The following VPS16 variants were observed in gnomAD, a reference collection of about 807,000 sequenced individuals.
The protein encoded by VPS16 is vacuolar protein sorting-associated protein 16 homolog.
VPS16 carries 82 observed loss-of-function variants against 116.0 expected under a neutral mutation model. That is an observed-to-expected ratio of 0.71 (90% CI 0.59 to 0.85). VPS16 has a LOEUF of 0.85. VPS16 is among the 40% of genes least tolerant of loss of function. The probability of loss-of-function intolerance (pLI) is 0.00; values close to 1 mark genes in which losing one functional copy is unlikely to be tolerated. For synonymous variants in VPS16, 406 were observed against 420.7 expected (o/e 0.96, Z 0.43); for missense variants, 928 against 1,090.6 (o/e 0.85, Z 2.10).
rs2089275655 is a variant in VPS16, at chr20:2,863,808, GAGAA to G, written c.1477-136_1477-133del. On this transcript the variant is annotated intron_variant, in intron 15 of 23. Coordinates refer to ENST00000380445, the MANE Select transcript of VPS16 (RefSeq NM_022575.4). This position sits in a 1 kb window ranked among gnomAD's most constrained non-coding sequence, Gnocchi z 4.4. The stretch of plus-strand genomic sequence containing the variant: ...GGGGGCGGAGGAGGAGGGAAAGAGA[GAGAA>G]AGAAGAAAGAGAGAAAGAAAGAAAG... 9.9e-6 allele frequency: 12 copies of G among 1,209,710 alleles called. No individual in the cohort carries two copies. Among genetic ancestry groups the G allele is most frequent in the Non-Finnish European group, 1.2e-5 (11 of 893,418 alleles). 74.9% of individuals were successfully genotyped at this position (1,209,710 alleles called of 1,614,324 possible). A position where few individuals can be genotyped will look rare whatever the true frequency, so the allele number is the denominator to read the frequency against.
chr20:2,849,435 G>A (rs904434332), intron 1 of VPS16, among the ~76,000 whole-genome samples: 2 of 151,872 alleles, frequency 1.3e-5, no homozygotes, highest in Non-Finnish European at 2.9e-5. Flanking sequence ...TGAGTAGCTG[G>A]GATTACAGGC....
chr20:2,842,378 G>T (rs1287879132), intron 1 of VPS16, among the ~76,000 whole-genome samples: 1 of 151,988 alleles, frequency 6.6e-6, no homozygotes, highest in Non-Finnish European at 1.5e-5. Context: ...CACTTTGGGA[G>T]GCCAAGGTGG....
intron 1 of VPS16, among the ~76,000 whole-genome samples, chr20:2,857,732 TAG>T (rs1288834560): frequency 7.3e-5 from 11 of 151,304 alleles, no homozygotes; most frequent in Non-Finnish European, 1.2e-4. Flanking sequence ...TTTGTTGAGA[TAG>T]AGTTTTGCTC....
intron 1 of VPS16, among the ~76,000 whole-genome samples, chr20:2,849,425 T>C (rs12479872): frequency 0.026 from 3,885 of 151,876 alleles, 139 homozygotes; most frequent in African/African-American, 0.076. Flanking sequence ...GTCAGCCTCC[T>C]GAGTAGCTGG....
chr20:2,859,829 A>G (rs374011822), intron 2 of VPS16, 22 bp downstream of exon 2: 82 of 1,601,176 alleles, frequency 5.1e-5, no homozygotes, highest in Non-Finnish European at 6.9e-5. Context: ...CTCCACCACC[A>G]CCTGCTCTGG....
At chr20:2,848,586 C>A in intron 1 of VPS16, among the ~76,000 whole-genome samples, 1 of 152,186 alleles carries the variant, frequency 6.6e-6, no homozygotes, top group Non-Finnish European at 1.5e-5. Flanking sequence ...CATTGTCTTG[C>A]AATTGGTGCT....
intron 1 of VPS16, among the ~76,000 whole-genome samples, chr20:2,852,846 T>C (rs886673679): frequency 6.6e-6 from 1 of 152,226 alleles, no homozygotes; most frequent in African/African-American, 2.4e-5. Flanking sequence ...TTGTGGTTGC[T>C]GAAGGTTAGG....
chr20:2,842,640 A>ATACATC (rs2088992826), intron 1 of VPS16, among the ~76,000 whole-genome samples: 1 of 140,474 alleles, frequency 7.1e-6, no homozygotes, highest in Non-Finnish European at 1.5e-5. Flanking sequence ...CTATCTATAG[A>ATACATC]TAGATAGATA....
chr20:2,865,820 G>C lies in VPS16; in HGVS notation c.2271+325G>C. 2.1e-6 allele frequency: 1 copy of C among 467,736 alleles called. No individual in the cohort carries two copies. The highest frequency in any genetic ancestry group is 4.1e-5 in the East Asian group (1 of 24,356). The allele number at this position is 467,736 out of a possible 1,614,324, so 29.0% of individuals were successfully genotyped here. On this transcript the variant is annotated intron_variant, in intron 22 of 23. Transcript: ENST00000380445. This position sits in a 1 kb window ranked among gnomAD's most constrained non-coding sequence, Gnocchi z 5.2. ...GGGGGCACAGGGAGGGTGCATATGG[G>C]AGGCAGTGGAGATACTGAGGGCTGT...
Position 2,862,638 on chromosome 20 carries a change from C to G in VPS16, c.1131C>G (p.Thr377=), listed in dbSNP as rs959148574. Residue 377 remains threonine (T), a synonymous_variant, in exon 12 of 24, where the codon ACC becomes ACG. Coordinates refer to ENST00000380445, the MANE Select transcript of VPS16 (RefSeq NM_022575.4). ...AGATCCAGGAGCTGGGCCAGCTGAC[C>G]CAGGCCGTGCAGCAGTGCATTGAGG... The part of the protein sequence containing the change: ...LREIQELGQL[T]QAVQQCIEAA... 3 of 1,613,418 alleles carry G rather than the reference C, an allele frequency of 1.9e-6. No individual in the cohort carries two copies. Among genetic ancestry groups the G allele is most frequent in the Non-Finnish European group, 8.5e-7 (1 of 1,179,978 alleles).
intron 1 of VPS16, among the ~76,000 whole-genome samples, chr20:2,847,172 C>T (rs2089068654): frequency 6.6e-6 from 1 of 152,208 alleles, no homozygotes; most frequent in Admixed American, 6.5e-5. Context: ...CTCTTCACTC[C>T]CTGACCTTTA....
rs147800814 is a variant in VPS16, at chr20:2,862,596, G to A, written c.1089G>A (p.Ala363=). 1.6e-5 allele frequency: 26 copies of A among 1,613,464 alleles called. No individual in the cohort carries two copies. Among genetic ancestry groups the A allele is most frequent in the African/African-American group, 1.6e-4 (12 of 74,912 alleles). The change falls in exon 12 of 24, where the codon GCG becomes GCA. Residue 363 remains alanine (A), a synonymous_variant. Transcript: ENST00000380445. ...QKEYEKESQK[A]DEYLREIQEL... is the part of the protein sequence containing the mutation. ...CCCACCAGAAAGAGAGCCAGAAGGC[G>A]GACGAGTACCTGCGGGAGATCCAGG...
In VPS16 at chr20:2,865,029, A is replaced by C. The variant is rs1460984531; in HGVS notation, c.1978A>C (p.Lys660Gln). The part of the protein sequence containing the change: ...ALQTAADAFY[K>Q]AKNEFAAKAT... ...GCAGACAGCCGCCGATGCCTTCTAC[A>C]AGGCCAAGAATGAGTTTGCAGCCAA... Residue 660 changes from lysine (K) to glutamine (Q), a missense_variant, in exon 20 of 24, where the codon AAG becomes CAG. Transcript: ENST00000380445. This position sits in a 1 kb window ranked among gnomAD's most constrained non-coding sequence, Gnocchi z 5.2. 1 of 1,614,044 alleles carries C rather than the reference A, an allele frequency of 6.2e-7. No individual in the cohort carries two copies. The highest frequency in any genetic ancestry group is 2.2e-5 in the East Asian group (1 of 44,896).
At position 2,860,892 on chromosome 20, in the gene VPS16, A is replaced by G. The variant is rs375514759; in HGVS notation, c.630+29A>G. 3.5e-5 allele frequency: 57 copies of G among 1,614,014 alleles called. No homozygotes were observed. The African/African-American group carries it at 7.3e-4, about 21-fold the overall frequency. Reference sequence around the variant, plus strand: ...AGGGCCCTGAGTGGGAATGAAGTGGACGGGCTGGGTTAGGCAATAGGGAGG... The same window carrying G: ...AGGGCCCTGAGTGGGAATGAAGTGGGCGGGCTGGGTTAGGCAATAGGGAGG... On this transcript the variant is annotated intron_variant, in intron 6 of 23. Coordinates refer to ENST00000380445, the MANE Select transcript of VPS16 (RefSeq NM_022575.4). This position sits in a 1 kb window ranked among gnomAD's most constrained non-coding sequence, Gnocchi z 6.1.
In VPS16 at chr20:2,855,288, GTT is replaced by G. The variant is rs35678700; in HGVS notation, c.54-4419_54-4418del. Among the ~76,000 whole-genome samples, 33 of 146,126 alleles carry G rather than the reference GTT, an allele frequency of 2.3e-4. 1 individual carries two copies. Among genetic ancestry groups the G allele is most frequent in the Admixed American group, 1.6e-3 (23 of 14,646 alleles). On this transcript the variant is annotated intron_variant, in intron 1 of 23. Transcript: ENST00000380445. ...GCAGTAATGTTTTTAAAGGAATCTTGTTTTTTTTTTTTTGAGCAGTGGGTCTC... is the reference window on the plus strand; with the variant it reads ...GCAGTAATGTTTTTAAAGGAATCTTGTTTTTTTTTTTGAGCAGTGGGTCTC...
chr20:2,864,665 CATGGGGCGT>C lies in VPS16; in HGVS notation c.1926+12_1926+20del, dbSNP rs754813004. On this transcript the variant is annotated intron_variant, in intron 19 of 23. Coordinates refer to ENST00000380445, the MANE Select transcript of VPS16 (RefSeq NM_022575.4). This position sits in a 1 kb window ranked among gnomAD's most constrained non-coding sequence, Gnocchi z 5.2. ...TATGCTGCAGAAGAGGTCTGAGATC[CATGGGGCGT>C]GTGGGGCGTGTGGGGCATGTGGGCT... 7 of 1,613,304 alleles carry C rather than the reference CATGGGGCGT, an allele frequency of 4.3e-6. No homozygotes were observed. Among genetic ancestry groups the C allele is most frequent in the South Asian group, 3.3e-5 (3 of 91,078 alleles).
rs781491588 is a variant in VPS16 at position 2,866,554 on chromosome 20, G to A, written c.2500G>A (p.Ala834Thr). ...ATADKIQRAR[A>T]QAQKK The stretch of plus-strand genomic sequence containing the variant: ...AGCTGACAAGATTCAACGGGCCAGG[G>A]CACAAGCCCAGAAGAAGTGAGGAGT... The change falls in exon 24 of 24, where the codon GCA (alanine) becomes ACA (threonine). Residue 834 changes from alanine (A) to threonine (T), a missense_variant. Ala to Thr is a moderately conservative substitution (Grantham distance 58, BLOSUM62 0). Transcript: ENST00000380445. The A allele has an allele frequency of 6.2e-7, 1 of 1,614,154 alleles. No homozygotes were observed. Among genetic ancestry groups the A allele is most frequent in the South Asian group, 1.1e-5 (1 of 91,086 alleles).
intron 1 of VPS16, among the ~76,000 whole-genome samples, chr20:2,845,043 T>TG (rs879865028): frequency 1.3e-4 from 20 of 150,856 alleles, no homozygotes; most frequent in Admixed American, 3.3e-4. Context: ...TGTGTGTGTG[T>TG]TTTAAGTTCC....
At chr20:2,852,490 T>C (rs1186439198) in intron 1 of VPS16, among the ~76,000 whole-genome samples, 1 of 152,130 alleles carries the variant, frequency 6.6e-6, no homozygotes, top group East Asian at 1.9e-4. Flanking sequence ...AGTTATAGAA[T>C]GTCAAAAGAA....
Sources: allele counts gnomAD v4.1 joint callset (sites outside exome capture counted in the v4.1 genomes callset), GRCh38; gene constraint gnomAD v4.1.1; non-coding constraint Gnocchi (gnomAD v3.1); transcripts MANE v1.5; gene names NCBI Gene and HGNC (gene_info 2026-07-23, HGNC 2026-07-21).